The following FRMD4A variants were observed in gnomAD, a reference collection of about 807,000 sequenced individuals.
The protein encoded by FRMD4A is FERM domain containing 4A.
In FRMD4A, 29 loss-of-function variants were observed where a neutral mutation model predicts 129.1. That is an observed-to-expected ratio of 0.22 (90% confidence interval 0.17 to 0.31). The LOEUF is 0.31. FRMD4A is among the 10% of genes least tolerant of loss of function. The probability of loss-of-function intolerance (pLI) is 1.00; values close to 1 mark genes in which losing one functional copy is unlikely to be tolerated. For missense variants in FRMD4A, 1,272 were observed against 1,375.8 expected (o/e 0.92, Z 1.19); for synonymous variants, 634 against 571.6 (o/e 1.11, Z -1.56).
intron 2 of FRMD4A, among the ~76,000 whole-genome samples, chr10:14,028,070 G>T (rs189288330): frequency 1.3e-5 from 2 of 152,202 alleles, no homozygotes; most frequent in Non-Finnish European, 2.9e-5. Flanking sequence ...CATGGTGAAG[G>T]CTGGCTTGGG....
chr10:14,201,185 C>T (rs766308476), intron 2 of FRMD4A, among the ~76,000 whole-genome samples: 1 of 152,214 alleles, frequency 6.6e-6, no homozygotes, highest in Non-Finnish European at 1.5e-5. Flanking sequence ...GGATCTTCCT[C>T]CAAGCTTCTC....
At chr10:13,704,510 G>A (rs1282680459) in intron 13 of FRMD4A, among the ~76,000 whole-genome samples, 2 of 151,968 alleles carry the variant, frequency 1.3e-5, no homozygotes, top group African/African-American at 2.4e-5. Flanking sequence ...GCCCTACCAC[G>A]TGGCTTTAAT....
At chr10:14,118,197 G>A (rs1328696639) in intron 2 of FRMD4A, among the ~76,000 whole-genome samples, 3 of 152,210 alleles carry the variant, frequency 2.0e-5, no homozygotes, top group Non-Finnish European at 4.4e-5. Context: ...CCAGGAATCT[G>A]AATTTTAACA....
chr10:13,956,815 T>C (rs750499962), intron 2 of FRMD4A, among the ~76,000 whole-genome samples: 3 of 152,148 alleles, frequency 2.0e-5, no homozygotes, highest in Non-Finnish European at 2.9e-5. Context: ...CAGCAAGAGG[T>C]TGGATGACAA....
intron 2 of FRMD4A, among the ~76,000 whole-genome samples, chr10:13,909,047 C>T (rs117970942): frequency 7.2e-4 from 109 of 152,318 alleles, no homozygotes; most frequent in Non-Finnish European, 1.1e-3. Flanking sequence ...TTTTCACTCT[C>T]TTATTGTTTT....
At chr10:14,303,586 A>C (rs1286057329) in intron 2 of FRMD4A, among the ~76,000 whole-genome samples, 3 of 152,210 alleles carry the variant, frequency 2.0e-5, no homozygotes, top group African/African-American at 7.2e-5. Context: ...AGAAGATTAC[A>C]TTTATGGGCA....
At chr10:13,675,949 A>G (rs1184736462) in intron 15 of FRMD4A, 2 of 152,114 alleles carry the variant, frequency 1.3e-5, no homozygotes, top group Non-Finnish European at 2.9e-5. Context: ...TTGTATCATG[A>G]GCAAATTCCC....
Position 14,187,156 on chromosome 10 carries a change from A to AAGGG in FRMD4A, c.45+142898_45+142901dup, listed in dbSNP as rs368593790. On this transcript the variant is annotated intron_variant, in intron 2 of 24. Transcript: ENST00000357447. ...GAAAGAAGGAAGGAAGGAAAGAAGG[A>AAGGG]AGGGAGGGAGGGAGGGAGGGAGGGC... is the stretch of plus-strand genomic sequence containing the variant. Among the ~76,000 whole-genome samples, 840 of 132,418 alleles carry AAGGG rather than the reference A, an allele frequency of 6.3e-3. 12 individuals are homozygous for AAGGG. Among genetic ancestry groups the AAGGG allele is most frequent in the African/African-American group, 0.021 (763 of 36,024 alleles). 86.9% of individuals were successfully genotyped at this position (132,418 alleles called of 152,430 possible).
intron 7 of FRMD4A, among the ~76,000 whole-genome samples, chr10:13,762,172 C>A (rs1052824834): frequency 1.3e-5 from 2 of 152,186 alleles, no homozygotes; most frequent in Non-Finnish European, 1.5e-5. Flanking sequence ...CATTTTAACT[C>A]ATCTTGCCAC....
intron 2 of FRMD4A, among the ~76,000 whole-genome samples, chr10:14,141,913 T>G (rs1201985431): frequency 2.0e-5 from 3 of 152,158 alleles, no homozygotes; most frequent in African/African-American, 7.2e-5. Flanking sequence ...GCGTAGTGAC[T>G]GAATTCAATA....
intron 2 of FRMD4A, among the ~76,000 whole-genome samples, chr10:14,039,359 T>TGTCCGTCCGTCC (rs60914319): frequency 1.6e-5 from 2 of 128,260 alleles, no homozygotes; most frequent in African/African-American, 5.9e-5. Flanking sequence ...CTTTCTGATC[T>TGTCCGTCCGTCC]GTCCGTCCGT....
At chr10:14,138,325 T>C (rs1162366638) in intron 2 of FRMD4A, among the ~76,000 whole-genome samples, 4 of 152,148 alleles carry the variant, frequency 2.6e-5, no homozygotes, top group Non-Finnish European at 5.9e-5. Flanking sequence ...TGACAAAGCC[T>C]CTCTACAGCC....
intron 2 of FRMD4A, among the ~76,000 whole-genome samples, chr10:14,185,532 T>G (rs1293340968): frequency 1.3e-5 from 2 of 152,218 alleles, no homozygotes; most frequent in Admixed American, 6.5e-5. Context: ...TGTAGAACTA[T>G]GGAAACTTGA....
chr10:13,669,289 T>C (rs990086936), intron 17 of FRMD4A, among the ~76,000 whole-genome samples: 4 of 152,190 alleles, frequency 2.6e-5, no homozygotes, highest in Non-Finnish European at 5.9e-5. Context: ...CTCGAACTCC[T>C]GACCTCAAGT....
At chr10:13,662,986 G>A (rs10752315) in intron 19 of FRMD4A, among the ~76,000 whole-genome samples, 121,104 of 151,660 alleles carry the variant, frequency 0.8, 48,641 homozygotes, top group East Asian at 0.85. Flanking sequence ...CGAGGTGGGT[G>A]GGTCGCTTGA....
chr10:13,651,871 G>C, intron 24 of FRMD4A, 32 bp downstream of exon 24: 1 of 1,063,954 alleles, frequency 9.4e-7, no homozygotes, highest in East Asian at 2.4e-5. Context: ...ACAGACTCAT[G>C]GGCAGTAGGA....
At chr10:14,008,855 G>T (rs192014850) in intron 2 of FRMD4A, among the ~76,000 whole-genome samples, 8 of 152,146 alleles carry the variant, frequency 5.3e-5, no homozygotes, top group African/African-American at 1.7e-4. Flanking sequence ...AAAAATAAAC[G>T]CACGGGTATT....
chr10:13,769,817 C>T (rs2092402719), intron 6 of FRMD4A, among the ~76,000 whole-genome samples: 1 of 152,066 alleles, frequency 6.6e-6, no homozygotes, highest in Non-Finnish European at 1.5e-5. Flanking sequence ...TTGTCCCTTG[C>T]TTTTTGAGCT....
At chr10:13,802,864 T>C (rs535106355) in intron 4 of FRMD4A, among the ~76,000 whole-genome samples, 10 of 152,228 alleles carry the variant, frequency 6.6e-5, no homozygotes, top group Middle Eastern at 3.4e-3. Flanking sequence ...AGTATCCTTG[T>C]CTTATAGTAT....
Sources: allele counts gnomAD v4.1 joint callset (sites outside exome capture counted in the v4.1 genomes callset), GRCh38; gene constraint gnomAD v4.1.1; transcripts MANE v1.5; gene names NCBI Gene and HGNC (gene_info 2026-07-23, HGNC 2026-07-21).